ABCC5: variants seen among roughly 807,000 people sequenced by gnomAD.
The protein encoded by ABCC5 is ATP binding cassette subfamily C member 5, also known as ATP-binding cassette sub-family C member 5.
A neutral mutation model predicts 160.9 loss-of-function variants in ABCC5; 61 were observed. The observed-to-expected ratio is 0.38, with a 90% CI of 0.31 to 0.47. The LOEUF is 0.47. Among genes scored for constraint, ABCC5 ranks in the 20% least tolerant of loss-of-function variants. The pLI, the probability that ABCC5 is intolerant of heterozygous loss-of-function variation, is 0.99. For synonymous variants in ABCC5, 666 were observed against 700.6 expected (o/e 0.95, Z 0.78); for missense variants, 1,308 against 1,813.3 (o/e 0.72, Z 5.06).
intron 2 of ABCC5, 58 bp downstream of exon 2, chr3:184,014,206 A>G: frequency 2.0e-6 from 3 of 1,531,162 alleles, no homozygotes; most frequent in African/African-American, 1.4e-5. Context: ...CATTATACGA[A>G]AAAAGATGTG....
chr3:183,965,271 A>G lies in ABCC5; in HGVS notation c.1959-14T>C, dbSNP rs1157576420. ...ACAGAGTTGTATCTGGAGGACACAA[A>G]GAGACAGCGTCAGGGACACGGCGGG... On this transcript the variant is annotated splice_polypyrimidine_tract_variant and intron_variant, in intron 13 of 29. Transcript: ENST00000334444. The G allele has an allele frequency of 6.2e-7, 1 of 1,614,104 alleles. No individual in the cohort carries two copies. The highest frequency in any genetic ancestry group is 8.5e-7 in the Non-Finnish European group (1 of 1,180,028).
In ABCC5 at chr3:183,971,902, T is replaced by C; in HGVS notation, c.1422A>G (p.Glu474=). Residue 474 remains glutamate (E), a synonymous_variant, in exon 11 of 30, where the codon GAA becomes GAG. Coordinates refer to ENST00000334444, the MANE Select transcript of ABCC5 (RefSeq NM_005688.4). The part of the protein sequence containing the change: ...VDRFKSLFLM[E]EVHMIKNKPA... ...GTTTGTTCTTTATCATGTGAACCTC[T>C]TCCATTAGAAACAAACTCTGATAGG... 6.2e-7 allele frequency: 1 copy of C among 1,614,108 alleles called. No individual in the cohort carries two copies. The highest frequency in any genetic ancestry group is 8.5e-7 in the Non-Finnish European group (1 of 1,180,030).
chr3:183,981,621 C>G, intron 8 of ABCC5, 106 bp downstream of exon 8: 1 of 1,195,542 alleles, frequency 8.4e-7, no homozygotes, highest in Non-Finnish European at 1.2e-6. Flanking sequence ...ATACTAGACA[C>G]TAGTCCTAGT....
At chr3:183,995,381 T>A (rs1442322344) in intron 2 of ABCC5, among the ~76,000 whole-genome samples, 2 of 152,200 alleles carry the variant, frequency 1.3e-5, no homozygotes, top group Non-Finnish European at 2.9e-5. Flanking sequence ...TCATGAAGAT[T>A]TTCTCCTATG....
At chr3:183,940,717 G>A (rs2108779845) in intron 25 of ABCC5, among the ~76,000 whole-genome samples, 1 of 152,244 alleles carries the variant, frequency 6.6e-6, no homozygotes, top group East Asian at 1.9e-4. Flanking sequence ...CCTTTGCACT[G>A]ATGGAATGTG....
chr3:183,976,713 G>A (rs1036530194), intron 10 of ABCC5, among the ~76,000 whole-genome samples: 1 of 152,126 alleles, frequency 6.6e-6, no homozygotes, highest in Non-Finnish European at 1.5e-5. Context: ...CCTCAAACAT[G>A]TGAGCTTCAA....
intron 22 of ABCC5, among the ~76,000 whole-genome samples, chr3:183,948,693 T>G (rs1222942010): frequency 6.6e-6 from 1 of 152,078 alleles, no homozygotes; most frequent in Non-Finnish European, 1.5e-5. Context: ...TTCAGAGATA[T>G]TCTAAATTTT....
In ABCC5 at chr3:183,963,685, G is replaced by T; in HGVS notation, c.2032-97C>A. ...CTTCTCTTCTTGCCCACCCAGACCA[G>T]CTCCTTCTGTCAATTCCCCGCAGAT... On this transcript the variant is annotated intron_variant, in intron 14 of 29. Coordinates refer to ENST00000334444, the MANE Select transcript of ABCC5 (RefSeq NM_005688.4). The surrounding 1 kb of genome is among the most constrained non-coding windows in gnomAD (Gnocchi z 4.6). 1 of 1,142,128 alleles carries T rather than the reference G, an allele frequency of 8.8e-7. No individual in the cohort carries two copies. The highest frequency in any genetic ancestry group is 1.2e-6 in the Non-Finnish European group (1 of 800,410). The allele number at this position is 1,142,128 out of a possible 1,614,324, so 70.7% of individuals were successfully genotyped here. A position where few individuals can be genotyped will look rare whatever the true frequency, so the allele number is the denominator to read the frequency against.
intron 26 of ABCC5, among the ~76,000 whole-genome samples, chr3:183,935,456 A>G (rs1577467851): frequency 6.6e-6 from 1 of 151,816 alleles, no homozygotes; most frequent in African/African-American, 2.4e-5. Flanking sequence ...CTGGGATTAC[A>G]GGTGTGAGCC....
chr3:183,945,954 C>T lies in ABCC5; in HGVS notation c.3415-15G>A, dbSNP rs1714801961. On this transcript the variant is annotated splice_polypyrimidine_tract_variant and intron_variant, in intron 23 of 29. Transcript: ENST00000334444. ...AGCCCCGTTAACTGATAATGGAAAA[C>T]AACAATCAAAGAGATAATTCATTAT... 6.2e-7 allele frequency: 1 copy of T among 1,610,216 alleles called. No individual in the cohort carries two copies. The highest frequency in any genetic ancestry group is 2.2e-5 in the East Asian group (1 of 44,866).
At chr3:183,937,672 C>G (rs1390907955) in intron 26 of ABCC5, among the ~76,000 whole-genome samples, 1 of 152,224 alleles carries the variant, frequency 6.6e-6, no homozygotes, top group Non-Finnish European at 1.5e-5. Context: ...TCTCTGGCCT[C>G]TTCAGCACTG....
intron 17 of ABCC5, among the ~76,000 whole-genome samples, chr3:183,953,825 G>T (rs1715614950): frequency 6.6e-6 from 1 of 152,182 alleles, no homozygotes; most frequent in African/African-American, 2.4e-5. Flanking sequence ...GGCACAGCTG[G>T]AACAGATGTG....
intron 5 of ABCC5, chr3:183,984,718 T>A (rs1448908973): frequency 2.6e-6 from 4 of 1,528,960 alleles, no homozygotes; most frequent in Non-Finnish European, 3.5e-6. Context: ...TACAGCCGGG[T>A]TGCTGGTTTA....
At chr3:183,931,919 G>T (rs1021262098) in intron 26 of ABCC5, among the ~76,000 whole-genome samples, 1 of 152,228 alleles carries the variant, frequency 6.6e-6, no homozygotes, top group Non-Finnish European at 1.5e-5. Context: ...GGATAGAAAA[G>T]TGTCTGAACA....
intron 26 of ABCC5, among the ~76,000 whole-genome samples, chr3:183,929,343 G>A (rs1027400315): frequency 1.3e-5 from 2 of 152,148 alleles, no homozygotes; most frequent in Non-Finnish European, 2.9e-5. Flanking sequence ...TGAGGCAGGA[G>A]AATTGCTTGA....
chr3:183,972,580 C>T (rs1288054504), intron 10 of ABCC5, among the ~76,000 whole-genome samples: 1 of 152,188 alleles, frequency 6.6e-6, no homozygotes, highest in African/African-American at 2.4e-5. Flanking sequence ...AGAAACAACC[C>T]TTGGGAAGAG....
intron 18 of ABCC5, among the ~76,000 whole-genome samples, chr3:183,952,557 G>A (rs1449698372): frequency 1.3e-5 from 2 of 152,118 alleles, no homozygotes; most frequent in Middle Eastern, 3.2e-3. Context: ...GGAGGTGACC[G>A]GATTGTGGGG....
chr3:183,967,716 G>T lies in ABCC5; in HGVS notation c.1812C>A (p.Leu604=), dbSNP rs1389526298. ...TTACCTGGCCTAAAATGGCTGAAAT[G>T]AGAGAGGTTTTTCCACTTCCCACAC... ...CGSVGSGKTS[L]ISAILGQMTL... is the part of the protein sequence containing the mutation. The change falls in exon 12 of 30, where the codon CTC becomes CTA. Residue 604 remains leucine, a synonymous_variant. Transcript: ENST00000334444. The T allele has an allele frequency of 1.2e-6, 2 of 1,613,806 alleles. No homozygotes were observed. The highest frequency in any genetic ancestry group is 1.7e-5 in the Admixed American group (1 of 60,020).
intron 2 of ABCC5, 49 bp from the exon 3 acceptor site, chr3:183,989,432 C>T (rs949414293): frequency 1.0e-5 from 16 of 1,593,582 alleles, no homozygotes; most frequent in African/African-American, 8.1e-5. Flanking sequence ...AATACACAGG[C>T]GAGAGGCAAA....
Sources: allele counts gnomAD v4.1 joint callset (sites outside exome capture counted in the v4.1 genomes callset), GRCh38; gene constraint gnomAD v4.1.1; non-coding constraint Gnocchi (gnomAD v3.1); transcripts MANE v1.5; gene names NCBI Gene and HGNC (gene_info 2026-07-23, HGNC 2026-07-21).